Variants in PARD3 observed in about 807,000 individuals in gnomAD.
PARD3 encodes partitioning defective 3 homolog.
PARD3 carries 75 observed loss-of-function variants against 155.4 expected under a neutral mutation model. The ratio of observed to expected loss-of-function variants is 0.48; its 90% CI spans 0.40 to 0.58. The LOEUF is 0.58. PARD3 is among the 20% of genes least tolerant of loss of function. PARD3 has a pLI of 0.00. For missense variants in PARD3, 1,642 were observed against 1,721.7 expected (o/e 0.95, Z 0.82); for synonymous variants, 576 against 610.5 (o/e 0.94, Z 0.83).
At chr10:34,442,553 C>A (rs773965) in intron 5 of PARD3, among the ~76,000 whole-genome samples, 4 of 152,140 alleles carry the variant, frequency 2.6e-5, no homozygotes, top group Non-Finnish European at 5.9e-5. Flanking sequence ...ATTTAAAAGG[C>A]CTCACATTCG....
intron 2 of PARD3, among the ~76,000 whole-genome samples, chr10:34,589,858 A>C (rs1001642039): frequency 1.3e-5 from 2 of 152,154 alleles, no homozygotes; most frequent in African/African-American, 4.8e-5. Flanking sequence ...CAGAAGTCAT[A>C]TGTATCAGTA....
intron 22 of PARD3, among the ~76,000 whole-genome samples, chr10:34,168,006 G>GT (rs1295356556): frequency 9.9e-5 from 15 of 151,368 alleles, no homozygotes; most frequent in South Asian, 6.3e-4. Context: ...TGAAACATGA[G>GT]TTTTTTTTTG....
chr10:34,316,701 A>ACCTCT (rs1306439032), intron 20 of PARD3, among the ~76,000 whole-genome samples: 1 of 152,226 alleles, frequency 6.6e-6, no homozygotes, highest in African/African-American at 2.4e-5. Context: ...TAACTAAGAT[A>ACCTCT]CAGACATGTC....
At chr10:34,417,269 A>G (rs906836130) in intron 5 of PARD3, among the ~76,000 whole-genome samples, 1 of 152,220 alleles carries the variant, frequency 6.6e-6, no homozygotes, top group South Asian at 2.1e-4. Context: ...TTGTCTGTGC[A>G]GCGGGAAGGA....
intron 20 of PARD3, among the ~76,000 whole-genome samples, chr10:34,289,214 T>C (rs1402777394): frequency 1.3e-5 from 2 of 151,846 alleles, no homozygotes; most frequent in African/African-American, 4.8e-5. Flanking sequence ...TTGGGGGACA[T>C]AGGCTTGCTC....
intron 20 of PARD3, among the ~76,000 whole-genome samples, chr10:34,309,648 G>T (rs1182637283): frequency 6.7e-6 from 1 of 148,410 alleles, no homozygotes; most frequent in East Asian, 2.1e-4. Context: ...TTGGGGCAAT[G>T]TCCTGCAAGA....
chr10:34,226,111 C>T (rs1289286366), intron 22 of PARD3, among the ~76,000 whole-genome samples: 4 of 152,006 alleles, frequency 2.6e-5, no homozygotes, highest in South Asian at 2.1e-4. Flanking sequence ...CTTATAAAAA[C>T]GGAGGCAAAA....
chr10:34,643,872 G>A (rs1197135240), intron 2 of PARD3, among the ~76,000 whole-genome samples: 3 of 152,156 alleles, frequency 2.0e-5, no homozygotes, highest in African/African-American at 7.2e-5. Context: ...AGCTATGATT[G>A]CACCACTGCA....
chr10:34,173,626 A>G (rs965283457), intron 22 of PARD3, among the ~76,000 whole-genome samples: 1 of 152,226 alleles, frequency 6.6e-6, no homozygotes, highest in African/African-American at 2.4e-5. Flanking sequence ...ACACCTGTAT[A>G]TCACAATGGC....
chr10:34,577,648 C>G (rs920138307), intron 2 of PARD3, among the ~76,000 whole-genome samples: 3 of 152,088 alleles, frequency 2.0e-5, no homozygotes, highest in Non-Finnish European at 4.4e-5. Flanking sequence ...CCATATGGCT[C>G]ATCTCCTGTC....
At chr10:34,484,155 C>A (rs1482116100) in intron 3 of PARD3, among the ~76,000 whole-genome samples, 1 of 152,146 alleles carries the variant, frequency 6.6e-6, no homozygotes, top group Non-Finnish European at 1.5e-5. Context: ...AAAACCAGAG[C>A]AAGAAGGCAG....
At chr10:34,474,324 AG>A (rs1338411065) in intron 3 of PARD3, among the ~76,000 whole-genome samples, 1 of 152,222 alleles carries the variant, frequency 6.6e-6, no homozygotes, top group African/African-American at 2.4e-5. Flanking sequence ...ACCCCGGGGC[AG>A]GTATAGGTTC....
intron 4 of PARD3, among the ~76,000 whole-genome samples, chr10:34,450,683 G>T (rs1182904274): frequency 6.6e-6 from 1 of 151,884 alleles, no homozygotes; most frequent in African/African-American, 2.4e-5. Context: ...GCACACACAC[G>T]GCACACAACA....
chr10:34,317,470 C>A, intron 19 of PARD3, 132 bp from the exon 20 acceptor site: 3 of 882,140 alleles, frequency 3.4e-6, no homozygotes, highest in Non-Finnish European at 5.0e-6. Flanking sequence ...ACATGGACTG[C>A]AATGCTGTTT....
chr10:34,135,599 C>G (rs1947852128), intron 22 of PARD3, among the ~76,000 whole-genome samples: 1 of 152,154 alleles, frequency 6.6e-6, no homozygotes, highest in Admixed American at 6.5e-5. Context: ...GCTAAGGATA[C>G]CCATTCAGGC....
intron 20 of PARD3, among the ~76,000 whole-genome samples, chr10:34,297,047 G>T (rs1056772969): frequency 6.6e-6 from 1 of 152,182 alleles, no homozygotes; most frequent in Non-Finnish European, 1.5e-5. Context: ...CAGCCTGGGT[G>T]TTGTGGCTCA....
chr10:34,730,526 G>C (rs1001019033), intron 1 of PARD3, among the ~76,000 whole-genome samples: 1 of 152,238 alleles, frequency 6.6e-6, no homozygotes, highest in Non-Finnish European at 1.5e-5. Flanking sequence ...GCTCACGCCT[G>C]TAATCCCTAC....
In PARD3 at chr10:34,382,608, C is replaced by G; in HGVS notation, c.1331G>C (p.Ser444Thr). 1.2e-6 allele frequency: 2 copies of G among 1,614,040 alleles called. No individual in the cohort carries two copies. Among genetic ancestry groups the G allele is most frequent in the Non-Finnish European group, 1.7e-6 (2 of 1,180,032 alleles). ...GTTATAACCACTGCTTACAGTCGTA[C>G]TAAATACATTCTGAGGTGCCGAGGC... The part of the protein sequence containing the change: ...APASAPQNVF[S>T]TTVSSGYNTK... Residue 444 changes from serine (S) to threonine (T), a missense_variant, in exon 9 of 25, where the codon AGT becomes ACT. By Grantham distance (58) the Ser-to-Thr change is moderately conservative. Coordinates refer to ENST00000374788, the MANE Select transcript of PARD3 (RefSeq NM_001184785.2).
intron 22 of PARD3, among the ~76,000 whole-genome samples, chr10:34,167,454 G>A (rs1949587089): frequency 6.6e-6 from 1 of 151,784 alleles, no homozygotes; most frequent in Non-Finnish European, 1.5e-5. Context: ...TTCGTGAAAA[G>A]GTGCTCCATA....
Sources: gnomAD v4.1 joint callset for allele counts (sites outside exome capture counted in the v4.1 genomes callset) on GRCh38, gnomAD v4.1.1 for gene constraint, MANE v1.5 for transcripts, NCBI Gene and HGNC (gene_info 2026-07-23, HGNC 2026-07-21) for gene names.